The following RPTOR variants were observed in gnomAD, a reference collection of about 807,000 sequenced individuals.
RPTOR encodes the protein regulatory associated protein of MTOR complex 1, also known as regulatory-associated protein of mTOR.
Under a neutral mutation model 169.9 loss-of-function variants are expected in RPTOR, and 21 were observed. That is an observed-to-expected ratio of 0.12 (90% CI 0.09 to 0.18). The LOEUF is 0.18. Among genes scored for constraint, RPTOR ranks in the 10% least tolerant of loss-of-function variants. The pLI is 1.00. For missense variants in RPTOR, 1,133 were observed against 1,855.9 expected (o/e 0.61, Z 7.16); for synonymous variants, 732 against 753.2 (o/e 0.97, Z 0.46).
At chr17:80,570,215 C>T (rs779786882) in intron 1 of RPTOR, among the ~76,000 whole-genome samples, 5 of 152,078 alleles carry the variant, frequency 3.3e-5, no homozygotes, top group South Asian at 2.1e-4. Flanking sequence ...TCAGGGACCA[C>T]GTTCCTGTAT....
intron 6 of RPTOR, among the ~76,000 whole-genome samples, chr17:80,772,278 C>CA (rs2066851288): frequency 6.6e-6 from 1 of 152,190 alleles, no homozygotes; most frequent in South Asian, 2.1e-4. Flanking sequence ...TCCTTAATAT[C>CA]ACATCCAAAA....
chr17:80,925,936 G>A (rs556439283), intron 24 of RPTOR, among the ~76,000 whole-genome samples: 69 of 152,388 alleles, frequency 4.5e-4, no homozygotes, highest in Non-Finnish European at 6.6e-4. Context: ...TGTGGACGCA[G>A]TGGCTGTGTT....
chr17:80,678,953 T>G (rs2065878993), intron 3 of RPTOR, among the ~76,000 whole-genome samples: 1 of 152,246 alleles, frequency 6.6e-6, no homozygotes, highest in Non-Finnish European at 1.5e-5. Context: ...TGTGTTTGTT[T>G]TATTCCAACA....
At position 80,855,485 on chromosome 17, in the gene RPTOR, C is replaced by T. The variant is rs2143744625; in HGVS notation, c.1336C>T (p.Arg446Trp). ...VLQVLLSQVH[R>W]LRALDLLGRF... ...CCAGGTGCTGTTAAGCCAAGTGCAC[C>T]GGCTGAGAGCATTGGACTTGCTTGG... is the stretch of plus-strand genomic sequence containing the variant. Residue 446 changes from arginine (R) to tryptophan (W), a missense_variant, in exon 12 of 34, where the codon CGG becomes TGG. Arg to Trp is a moderately radical substitution (Grantham distance 101). Transcript: ENST00000306801. 6.2e-7 allele frequency: 1 copy of T among 1,613,858 alleles called. No individual in the cohort carries two copies. The highest frequency in any genetic ancestry group is 8.5e-7 in the Non-Finnish European group (1 of 1,179,758).
At chr17:80,942,986 C>T (rs1177260604) in intron 25 of RPTOR, among the ~76,000 whole-genome samples, 3 of 152,394 alleles carry the variant, frequency 2.0e-5, no homozygotes, top group South Asian at 4.1e-4. Context: ...CCAAAGCCTT[C>T]GGGCCTGCCT....
Position 80,857,679 on chromosome 17 carries a change from G to A in RPTOR, c.1399-111G>A, listed in dbSNP as rs187217913. On this transcript the variant is annotated intron_variant, in intron 12 of 33. Transcript: ENST00000306801. Reference sequence around the variant, plus strand: ...AGTGAGGCCCATTCATTCCTGTTGCGTTTCCCATATGTGCTGAAGATAGCA... The same window carrying A: ...AGTGAGGCCCATTCATTCCTGTTGCATTTCCCATATGTGCTGAAGATAGCA... The A allele has an allele frequency of 2.3e-4, 157 of 673,332 alleles. 1 individual carries two copies. The East Asian group carries it at 3.3e-3, about 14-fold the overall frequency. The allele number at this position is 673,332 out of a possible 1,614,324, so 41.7% of individuals were successfully genotyped here.
rs774614646 is a variant in RPTOR, at chr17:80,546,678, C to A, written c.162+887C>A. Among the ~76,000 whole-genome samples, 9 of 152,256 alleles carry A rather than the reference C, an allele frequency of 5.9e-5. No individual in the cohort carries two copies. In the South Asian group the frequency reaches 1.2e-3, roughly 21 times the overall value. ...GGTATAAAAGAGGAAGTTGGTGTTA[C>A]AATGTTTGATTTTCTCTAGGCTTAT... On this transcript the variant is annotated intron_variant, in intron 1 of 33. Transcript: ENST00000306801.
chr17:80,684,724 C>T (rs947856193), intron 3 of RPTOR, among the ~76,000 whole-genome samples: 2 of 152,120 alleles, frequency 1.3e-5, no homozygotes, highest in South Asian at 2.1e-4. Flanking sequence ...GGATTACAGG[C>T]GTGAGCCACT....
intron 6 of RPTOR, among the ~76,000 whole-genome samples, chr17:80,789,976 G>A (rs1051011772): frequency 6.6e-5 from 10 of 152,174 alleles, no homozygotes; most frequent in Admixed American, 5.2e-4. Flanking sequence ...AGCATGGTTC[G>A]CATAGGACTC....
intron 3 of RPTOR, among the ~76,000 whole-genome samples, chr17:80,687,979 T>A (rs34950888): frequency 6.6e-6 from 1 of 151,962 alleles, no homozygotes; most frequent in Non-Finnish European, 1.5e-5. Context: ...TGCCTGAAGC[T>A]TCACCTCAGC....
intron 6 of RPTOR, among the ~76,000 whole-genome samples, chr17:80,761,125 A>G (rs1247130946): frequency 1.3e-5 from 2 of 152,232 alleles, no homozygotes; most frequent in East Asian, 3.8e-4. Context: ...AGAATCCAAA[A>G]TATATTTTTT....
intron 7 of RPTOR, among the ~76,000 whole-genome samples, chr17:80,809,138 G>A (rs1465086412): frequency 2.0e-5 from 3 of 152,224 alleles, no homozygotes; most frequent in African/African-American, 7.2e-5. Flanking sequence ...TAACAACAGC[G>A]TGCCAGTTGT....
chr17:80,560,787 T>A (rs1213558919), intron 1 of RPTOR, among the ~76,000 whole-genome samples: 1 of 152,118 alleles, frequency 6.6e-6, no homozygotes, highest in Non-Finnish European at 1.5e-5. Context: ...GTTCGTTTTG[T>A]CTCCCCACTA....
chr17:80,868,700 A>G (rs1210103472), intron 13 of RPTOR, among the ~76,000 whole-genome samples: 1 of 152,240 alleles, frequency 6.6e-6, no homozygotes, highest in African/African-American at 2.4e-5. Flanking sequence ...TTTATTTATA[A>G]TGGCCAAAAA....
chr17:80,709,810 C>A (rs902956814), intron 4 of RPTOR, among the ~76,000 whole-genome samples: 5 of 152,150 alleles, frequency 3.3e-5, no homozygotes, highest in Non-Finnish European at 7.4e-5. Flanking sequence ...CTGCTCAAAG[C>A]GCCTATCTGC....
chr17:80,589,212 C>T (rs571769538), intron 1 of RPTOR, among the ~76,000 whole-genome samples: 10 of 152,282 alleles, frequency 6.6e-5, no homozygotes, highest in African/African-American at 1.9e-4. Context: ...TAATTTGTCC[C>T]AGCTCCTTTC....
intron 2 of RPTOR, 95 bp downstream of exon 2, chr17:80,625,888 C>A: frequency 1.2e-6 from 1 of 814,896 alleles, no homozygotes; most frequent in South Asian, 1.4e-5. Context: ...TCCAGGGGCC[C>A]GTCTCCAGCT....
intron 9 of RPTOR, among the ~76,000 whole-genome samples, chr17:80,834,758 G>A (rs746448210): frequency 3.3e-5 from 5 of 152,192 alleles, no homozygotes; most frequent in South Asian, 2.1e-4. Flanking sequence ...GAGAACGTGC[G>A]AATAGGCTTT....
chr17:80,733,450 C>A (rs2066408892), intron 5 of RPTOR, among the ~76,000 whole-genome samples: 1 of 152,242 alleles, frequency 6.6e-6, no homozygotes, highest in Non-Finnish European at 1.5e-5. Flanking sequence ...TGGCCCCACG[C>A]TTTCTCTGCT....
Sources: allele counts gnomAD v4.1 joint callset (sites outside exome capture counted in the v4.1 genomes callset), GRCh38; gene constraint gnomAD v4.1.1; transcripts MANE v1.5; gene names NCBI Gene and HGNC (gene_info 2026-07-23, HGNC 2026-07-21).